The following SMYD4 variants were observed in gnomAD, a reference collection of about 807,000 sequenced individuals.
SMYD4 encodes the protein SET and MYND domain containing 4, also known as protein-lysine N-methyltransferase SMYD4.
Under a neutral mutation model 72.8 loss-of-function variants are expected in SMYD4, and 68 were observed. That is an observed-to-expected ratio of 0.93 (90% confidence interval 0.77 to 1.14). The LOEUF is 1.14. SMYD4 is among the 50% of genes most tolerant of loss of function. The pLI, the probability that SMYD4 is intolerant of heterozygous loss-of-function variation, is 0.00. For missense variants in SMYD4, 984 were observed against 1,003.7 expected (o/e 0.98, Z 0.27); for synonymous variants, 407 against 388.6 (o/e 1.05, Z -0.56).
At chr17:1,827,631 T>C (rs1392619330) in intron 2 of SMYD4, among the ~76,000 whole-genome samples, 1 of 152,106 alleles carries the variant, frequency 6.6e-6, no homozygotes, top group Non-Finnish European at 1.5e-5. Flanking sequence ...TCAGGCATTT[T>C]CCATCAAAAA....
At chr17:1,802,723 T>C (rs1250263679) in intron 4 of SMYD4, among the ~76,000 whole-genome samples, 3 of 152,216 alleles carry the variant, frequency 2.0e-5, no homozygotes, top group Non-Finnish European at 4.4e-5. Flanking sequence ...ATTTGAATTT[T>C]TGTAGAATGT....
intron 5 of SMYD4, among the ~76,000 whole-genome samples, chr17:1,793,844 G>A (rs1406639869): frequency 1.3e-5 from 2 of 149,934 alleles, no homozygotes; most frequent in Non-Finnish European, 3.0e-5. Flanking sequence ...TTTTTTGAGA[G>A]GAAGTTTCAC....
Position 1,829,884 on chromosome 17 carries a change from C to CTCGCTTGGGACCATGGGTGGG in SMYD4, c.-172_-171insCCCACCCATGGTCCCAAGCGA, listed in dbSNP as rs1178035477. On this transcript the variant is annotated 5_prime_UTR_variant, in exon 1 of 11. It adds an upstream start codon to the 5' untranslated region. Transcript: ENST00000305513. ...CCGCGTCCGGCGTCCCGCGCCAGGC[C>CTCGCTTGGGACCATGGGTGGG]TCGCTTGGGACCATGGGTGGGTCAC... 6 of 413,688 alleles carry CTCGCTTGGGACCATGGGTGGG rather than the reference C, an allele frequency of 1.5e-5. No homozygotes were observed. Among genetic ancestry groups the CTCGCTTGGGACCATGGGTGGG allele is most frequent in the African/African-American group, 1.2e-4 (6 of 48,054 alleles). 25.6% of individuals were successfully genotyped at this position (413,688 alleles called of 1,614,324 possible).
intron 8 of SMYD4, 22 bp downstream of exon 8, chr17:1,784,304 C>G: frequency 6.2e-7 from 1 of 1,613,960 alleles, no homozygotes; most frequent in Non-Finnish European, 8.5e-7. Context: ...GCTGGAGGAC[C>G]AAAGCAGGGA....
Position 1,826,491 on chromosome 17 carries a change from CAAAAAAAAAAAAAAAAAA to C in SMYD4, c.134+1352_134+1369del, listed in dbSNP as rs111636314. Reference sequence around the variant, plus strand: ...TGGGCAACAAGAGCAAAACTCTGTCCAAAAAAAAAAAAAAAAAAAAAAAAAAAGAAAAGAAAAGAAAAG... The same window carrying C: ...TGGGCAACAAGAGCAAAACTCTGTCCAAAAAAAAAGAAAAGAAAAGAAAAG... On this transcript the variant is annotated intron_variant, in intron 2 of 10. Transcript: ENST00000305513. Among the ~76,000 whole-genome samples, 12 of 103,058 alleles carry C rather than the reference CAAAAAAAAAAAAAAAAAA, an allele frequency of 1.2e-4. 1 individual carries two copies. The highest frequency in any genetic ancestry group is 1.6e-4 in the Non-Finnish European group (8 of 49,616). The allele number at this position is 103,058 out of a possible 152,430, so 67.6% of individuals were successfully genotyped here.
At chr17:1,808,729 AAGAACT>A in intron 3 of SMYD4, among the ~76,000 whole-genome samples, 1 of 152,214 alleles carries the variant, frequency 6.6e-6, no homozygotes, top group Non-Finnish European at 1.5e-5. Flanking sequence ...GTTTTCCTTG[AAGAACT>A]TCCCATGTGA....
chr17:1,824,133 A>G (rs935831461), intron 2 of SMYD4, among the ~76,000 whole-genome samples: 36 of 152,198 alleles, frequency 2.4e-4, no homozygotes, highest in Non-Finnish European at 1.6e-4. Context: ...ACCTGAGGTC[A>G]GGAGTTTGAG....
chr17:1,784,508 C>G (rs1342493068), intron 7 of SMYD4, 47 bp from the exon 8 acceptor site: 2 of 1,609,742 alleles, frequency 1.2e-6, no homozygotes, highest in African/African-American at 2.7e-5. Context: ...GGTCAGTTAT[C>G]AACACCGCCT....
rs1026909299 is a variant in SMYD4 at position 1,783,303 on chromosome 17, G to A, written c.2137+57C>T. 118 of 1,609,926 alleles carry A rather than the reference G, an allele frequency of 7.3e-5. No individual in the cohort carries two copies. In the South Asian group the frequency reaches 7.9e-4, roughly 11 times the overall value. ...ACCAGGCAGACAAGGCCGGGGCCAC[G>A]GCGAAGTGCCCACAGCAGACTGTTC... On this transcript the variant is annotated intron_variant, in intron 9 of 10. Transcript: ENST00000305513.
intron 1 of SMYD4, among the ~76,000 whole-genome samples, chr17:1,828,352 GA>G (rs56999254): frequency 1.7e-3 from 218 of 129,694 alleles, no homozygotes; most frequent in Admixed American, 2.4e-3. Flanking sequence ...CTCTGTCTCG[GA>G]AAAAAAAAAA....
chr17:1,798,053 C>T (rs911334550), intron 5 of SMYD4, among the ~76,000 whole-genome samples: 1 of 151,868 alleles, frequency 6.6e-6, no homozygotes, highest in Non-Finnish European at 1.5e-5. Context: ...TACTGGGCCT[C>T]TTCTTTCTGC....
At chr17:1,786,311 G>A (rs539788644) in intron 7 of SMYD4, among the ~76,000 whole-genome samples, 2 of 152,352 alleles carry the variant, frequency 1.3e-5, no homozygotes, top group African/African-American at 4.8e-5. Context: ...AAATGAAGCT[G>A]AGAGGGGTGG....
intron 2 of SMYD4, among the ~76,000 whole-genome samples, chr17:1,821,206 G>A (rs1910870753): frequency 6.6e-6 from 1 of 152,088 alleles, no homozygotes; most frequent in East Asian, 1.9e-4. Context: ...CAGTTATCAT[G>A]AGGGAATGAG....
intron 5 of SMYD4, among the ~76,000 whole-genome samples, chr17:1,787,859 A>C (rs763616051): frequency 1.3e-5 from 2 of 152,208 alleles, no homozygotes; most frequent in Non-Finnish European, 2.9e-5. Flanking sequence ...ACCACGAAAT[A>C]GCCAAAGATA....
chr17:1,824,758 T>C (rs1306051285), intron 2 of SMYD4, among the ~76,000 whole-genome samples: 1 of 152,036 alleles, frequency 6.6e-6, no homozygotes, highest in Non-Finnish European at 1.5e-5. Flanking sequence ...TAGGTGCGGT[T>C]ACAGGCACAT....
At position 1,799,909 on chromosome 17, in the gene SMYD4, G is replaced by A. The variant is rs368418742; in HGVS notation, c.1485C>T (p.His495=). Residue 495 remains histidine, a synonymous_variant, in exon 5 of 11, where the codon CAC becomes CAT. Transcript: ENST00000305513. Reference sequence around the variant, plus strand: ...GAGCGTTACACTGAAGCTGTAACATGTGTCTCAGCATCGCCACTCCCCAAA... The same window carrying A: ...GAGCGTTACACTGAAGCTGTAACATATGTCTCAGCATCGCCACTCCCCAAA... ...VTIWGVAMLR[H]MLQLQCNAQA... The A allele has an allele frequency of 1.3e-5, 21 of 1,613,372 alleles. No homozygotes were observed. The highest frequency in any genetic ancestry group is 1.7e-5 in the Non-Finnish European group (20 of 1,179,646).
rs1445728069 is a variant in SMYD4, at chr17:1,818,245, A to G, written c.135-6130T>C. 2.0e-5 allele frequency among the ~76,000 whole-genome samples: 3 copies of G among 152,226 alleles called. No homozygotes were observed. The East Asian group carries it at 5.8e-4, about 29-fold the overall frequency. ...TCTCTCTAGAACTCTGGGGATGTAA[A>G]GCCTTTCATGGAGCTAACTGGCGAA... On this transcript the variant is annotated intron_variant, in intron 2 of 10. Transcript: ENST00000305513.
intron 1 of SMYD4, among the ~76,000 whole-genome samples, chr17:1,828,352 G>GAA (rs56999254): frequency 2.9e-4 from 38 of 129,868 alleles, no homozygotes; most frequent in African/African-American, 8.7e-4. Context: ...CTCTGTCTCG[G>GAA]AAAAAAAAAA....
In SMYD4 at chr17:1,784,425, C is replaced by T. The variant is rs1365286406; in HGVS notation, c.1921G>A (p.Ala641Thr). The change falls in exon 8 of 11, where the codon GCA (alanine) becomes ACA (threonine). Residue 641 changes from alanine to threonine, a missense_variant. By Grantham distance (58) the Ala-to-Thr change is moderately conservative. Transcript: ENST00000305513. ...TGGTCCCTGCTGACGGCGGATTCTG[C>T]ACAAGATCTGCTGCCACAGCGCAGC... ...DVLRCGSRSC[A>T]ESAVSRDHLV... 1 of 1,614,098 alleles carries T rather than the reference C, an allele frequency of 6.2e-7. No individual in the cohort carries two copies. The highest frequency in any genetic ancestry group is 2.2e-5 in the East Asian group (1 of 44,900).
Sources: gnomAD v4.1 joint callset for allele counts (sites outside exome capture counted in the v4.1 genomes callset) on GRCh38, gnomAD v4.1.1 for gene constraint, MANE v1.5 for transcripts, NCBI Gene and HGNC (gene_info 2026-07-23, HGNC 2026-07-21) for gene names.